Variants in NCAM1 observed in about 807,000 individuals in gnomAD.
The protein encoded by NCAM1 is antigen recognized by monoclonal antibody 5.1H11.
In NCAM1, 14 loss-of-function variants were observed where a neutral mutation model predicts 109.8. That is an observed-to-expected ratio of 0.13 (90% CI 0.08 to 0.20). The LOEUF (loss-of-function observed/expected upper bound fraction) is 0.20, where lower values mean the gene tolerates loss of function less well. Ranked by LOEUF, NCAM1 falls within the 10% of genes least tolerant of loss-of-function variation. The pLI is 1.00. For missense variants in NCAM1, 774 were observed against 1,109.9 expected (o/e 0.70, Z 4.30); for synonymous variants, 418 against 442.9 (o/e 0.94, Z 0.70).
intron 1 of NCAM1, among the ~76,000 whole-genome samples, chr11:112,979,298 A>T (rs1555068254): frequency 6.6e-6 from 1 of 151,764 alleles, no homozygotes; most frequent in Non-Finnish European, 1.5e-5. Context: ...TTCATAATAA[A>T]TTTTTTTCCA....
intron 1 of NCAM1, among the ~76,000 whole-genome samples, chr11:113,170,307 T>A (rs1456319526): frequency 6.6e-6 from 1 of 152,196 alleles, no homozygotes; most frequent in Non-Finnish European, 1.5e-5. Context: ...TGATTTGATT[T>A]TTAGCAAACA....
rs188844334 is a variant in NCAM1, at chr11:113,096,193, C to T, written c.53-106186C>T. On this transcript the variant is annotated intron_variant, in intron 1 of 19. Transcript: ENST00000316851. ...GAAGTGGGCACTTACCTAACAACTC[C>T]AGGCTGAGCTGGGTCTCCAGCAGTG... 3.2e-4 allele frequency among the ~76,000 whole-genome samples: 48 copies of T among 152,216 alleles called. No individual in the cohort carries two copies. In the South Asian group the frequency reaches 8.3e-3, roughly 26 times the overall value.
chr11:112,966,140 A>G (rs1469378130), intron 1 of NCAM1, among the ~76,000 whole-genome samples: 69 of 152,352 alleles, frequency 4.5e-4, no homozygotes, highest in African/African-American at 1.6e-3. Flanking sequence ...CTGGAACTTT[A>G]AAAGAAATGG....
intron 1 of NCAM1, among the ~76,000 whole-genome samples, chr11:113,024,443 T>C (rs1555076827): frequency 6.6e-6 from 1 of 152,200 alleles, no homozygotes; most frequent in African/African-American, 2.4e-5. Flanking sequence ...ATTCTGTGTT[T>C]GTTGGAGTAG....
intron 1 of NCAM1, among the ~76,000 whole-genome samples, chr11:113,160,367 T>C (rs536229501): frequency 6.6e-6 from 1 of 152,174 alleles, no homozygotes; most frequent in East Asian, 1.9e-4. Flanking sequence ...CCAGTTTCCA[T>C]GGGACTGTTC....
chr11:112,983,014 T>C (rs548425277), intron 1 of NCAM1, among the ~76,000 whole-genome samples: 4 of 152,092 alleles, frequency 2.6e-5, no homozygotes, highest in African/African-American at 9.6e-5. Flanking sequence ...CAAGCACTTA[T>C]ACTCTGAAGA....
intron 1 of NCAM1, among the ~76,000 whole-genome samples, chr11:113,123,350 C>T (rs1555096454): frequency 6.6e-6 from 1 of 152,134 alleles, no homozygotes; most frequent in Admixed American, 6.5e-5. Context: ...ATTAATGTAT[C>T]AATTTCAAAA....
At chr11:113,047,926 T>C (rs1382439852) in intron 1 of NCAM1, among the ~76,000 whole-genome samples, 2 of 152,140 alleles carry the variant, frequency 1.3e-5, no homozygotes, top group Non-Finnish European at 2.9e-5. Flanking sequence ...GTAGCTACAA[T>C]TGAAGATGAG....
chr11:113,031,495 C>G (rs1355411877), intron 1 of NCAM1, among the ~76,000 whole-genome samples: 1 of 152,080 alleles, frequency 6.6e-6, no homozygotes, highest in Non-Finnish European at 1.5e-5. Flanking sequence ...AGTTCAAGAC[C>G]AGCCTGACCA....
chr11:113,228,403 A>G (rs149147609), intron 9 of NCAM1, among the ~76,000 whole-genome samples: 5,098 of 152,282 alleles, frequency 0.033, 298 homozygotes, highest in African/African-American at 0.12. Context: ...TTCAAGGAAA[A>G]CTACAAACCA....
At position 113,044,797 on chromosome 11, in the gene NCAM1, AAGCTGGAGTGC is replaced by A. The variant is rs150975701; in HGVS notation, c.52+83136_52+83146del. ...GAGACGGAGTCTCGCTCTGTCGCCCAAGCTGGAGTGCAGTGGCGCGATCTCGGCTCGCTGAA... is the reference window on the plus strand; with the variant it reads ...GAGACGGAGTCTCGCTCTGTCGCCCAAGTGGCGCGATCTCGGCTCGCTGAA... On this transcript the variant is annotated intron_variant, in intron 1 of 19. Coordinates refer to ENST00000316851, the MANE Select transcript of NCAM1 (RefSeq NM_181351.5). 3.0e-3 allele frequency among the ~76,000 whole-genome samples: 459 copies of A among 152,098 alleles called. 2 individuals carry two copies. Among genetic ancestry groups the A allele is most frequent in the African/African-American group, 0.011 (441 of 41,546 alleles).
intron 1 of NCAM1, among the ~76,000 whole-genome samples, chr11:113,066,142 A>G (rs1555084192): frequency 1.3e-5 from 2 of 152,150 alleles, no homozygotes. Flanking sequence ...ATTGAGAGAT[A>G]AGTAATTTTT....
chr11:112,963,688 C>T lies in NCAM1; in HGVS notation c.52+2024C>T, dbSNP rs2134436762. 6.6e-6 allele frequency among the ~76,000 whole-genome samples: 1 copy of T among 152,324 alleles called. No homozygotes were observed. Among genetic ancestry groups the T allele is most frequent in the East Asian group, 1.9e-4 (1 of 5,160 alleles). On this transcript the variant is annotated intron_variant, in intron 1 of 19. Coordinates refer to ENST00000316851, the MANE Select transcript of NCAM1 (RefSeq NM_181351.5). The surrounding 1 kb of genome is among the most constrained non-coding windows in gnomAD (Gnocchi z 4.6). The stretch of plus-strand genomic sequence containing the variant: ...GGGGGTGTTTTTGAGACATCCTCGC[C>T]CCCGGGTGGGAGCGTGACAATGGAG...
In NCAM1 at chr11:113,102,232, G is replaced by T. The variant is rs180681356; in HGVS notation, c.53-100147G>T. Among the ~76,000 whole-genome samples the T allele has an allele frequency of 3.4e-3, 511 of 152,272 alleles. 2 individuals are homozygous for T. The highest frequency in any genetic ancestry group is 5.1e-3 in the Non-Finnish European group (348 of 68,020). On this transcript the variant is annotated intron_variant, in intron 1 of 19. Transcript: ENST00000316851. ...AGGAGGATTTTTTAATGAAATATAA[G>T]TTGTAAATGTGTTAAGGATTGTCTT... is the stretch of plus-strand genomic sequence containing the variant.
intron 1 of NCAM1, among the ~76,000 whole-genome samples, chr11:113,021,180 T>G (rs1184263657): frequency 6.6e-6 from 1 of 152,230 alleles, no homozygotes; most frequent in African/African-American, 2.4e-5. Flanking sequence ...CCAGGCAGTA[T>G]GCTAAGTGCT....
chr11:113,186,897 T>C lies in NCAM1; in HGVS notation c.53-15482T>C, dbSNP rs565192373. 3.9e-5 allele frequency among the ~76,000 whole-genome samples: 6 copies of C among 152,334 alleles called. No individual in the cohort carries two copies. In the East Asian group the frequency reaches 9.6e-4, roughly 24 times the overall value. ...GCTGTGAGAAGCAACAGAATTAGCA[T>C]AGAGGGTGGCTTCTTGCTCAGGCTC... On this transcript the variant is annotated intron_variant, in intron 1 of 19. Transcript: ENST00000316851.
chr11:113,189,638 G>A (rs1943616662), intron 1 of NCAM1, among the ~76,000 whole-genome samples: 1 of 152,008 alleles, frequency 6.6e-6, no homozygotes, highest in African/African-American at 2.4e-5. Context: ...GAACATCAAA[G>A]CACATTATGA....
At chr11:113,230,659 G>A (rs1944979071) in intron 9 of NCAM1, among the ~76,000 whole-genome samples, 1 of 152,194 alleles carries the variant, frequency 6.6e-6, no homozygotes, top group Non-Finnish European at 1.5e-5. Context: ...GATGCCAGGT[G>A]CAGAATATAA....
At chr11:113,220,600 C>CTTTTTTTTTTTT (rs1336984958) in intron 8 of NCAM1, among the ~76,000 whole-genome samples, 9 of 102,376 alleles carry the variant, frequency 8.8e-5, no homozygotes, top group East Asian at 3.2e-4. Flanking sequence ...CTCTCTCTCT[C>CTTTTTTTTTTTT]TCTTTTTTTT....
Sources: gnomAD v4.1 joint callset for allele counts (sites outside exome capture counted in the v4.1 genomes callset) on GRCh38, gnomAD v4.1.1 for gene constraint, Gnocchi (gnomAD v3.1) non-coding constraint, MANE v1.5 for transcripts, NCBI Gene and HGNC (gene_info 2026-07-23, HGNC 2026-07-21) for gene names.